Variants in MLLT10 observed in about 807,000 individuals in gnomAD.
MLLT10 encodes the protein MLLT10 histone lysine methyltransferase DOT1L cofactor.
In MLLT10, 30 loss-of-function variants were observed where a neutral mutation model predicts 129.1. The ratio of observed to expected loss-of-function variants is 0.23; its 90% CI spans 0.17 to 0.32. The LOEUF is 0.32. MLLT10 is among the 10% of genes least tolerant of loss of function. The pLI is 1.00. For missense variants in MLLT10, 1,119 were observed against 1,268.3 expected (o/e 0.88, Z 1.79); for synonymous variants, 490 against 446.4 (o/e 1.10, Z -1.23).
intron 13 of MLLT10, among the ~76,000 whole-genome samples, chr10:21,684,894 C>T (rs1217791281): frequency 2.0e-5 from 3 of 152,114 alleles, no homozygotes; most frequent in Admixed American, 1.3e-4. Context: ...ACATCTCTGA[C>T]GTAGACCTTG....
intron 8 of MLLT10, among the ~76,000 whole-genome samples, chr10:21,627,256 A>C (rs185529264): frequency 2.6e-5 from 4 of 152,266 alleles, no homozygotes; most frequent in Non-Finnish European, 5.9e-5. Context: ...TTGCAGGGTA[A>C]ATTACAAATA....
intron 13 of MLLT10, among the ~76,000 whole-genome samples, chr10:21,686,624 C>T (rs907649712): frequency 5.9e-5 from 9 of 152,208 alleles, no homozygotes; most frequent in African/African-American, 2.2e-4. Flanking sequence ...TCCTAAGATC[C>T]TCTCTGAGAA....
intron 8 of MLLT10, among the ~76,000 whole-genome samples, chr10:21,644,541 A>C (rs1477923686): frequency 6.6e-6 from 1 of 152,156 alleles, no homozygotes; most frequent in Non-Finnish European, 1.5e-5. Flanking sequence ...TTTTTAACAC[A>C]GTGCATTATT....
At chr10:21,646,096 G>C (rs768764589) in intron 8 of MLLT10, among the ~76,000 whole-genome samples, 1 of 152,112 alleles carries the variant, frequency 6.6e-6, no homozygotes, top group African/African-American at 2.4e-5. Flanking sequence ...TCCCAGCTAC[G>C]TGGATGGCTG....
intron 13 of MLLT10, among the ~76,000 whole-genome samples, chr10:21,707,189 A>ATTTTTTTT (rs1199544245): frequency 8.2e-6 from 1 of 122,502 alleles, no homozygotes; most frequent in Non-Finnish European, 1.7e-5. Flanking sequence ...AGTTTAGATG[A>ATTTTTTTT]TTTTTTTTTT....
intron 22 of MLLT10, among the ~76,000 whole-genome samples, chr10:21,740,498 A>ACAAT (rs1354892229): frequency 6.6e-6 from 1 of 152,234 alleles, no homozygotes; most frequent in African/African-American, 2.4e-5. Context: ...GTCATATGGG[A>ACAAT]CAATCAAATC....
rs574727463 is a variant in MLLT10, at chr10:21,742,881, C to T, written c.*898C>T. The T allele has an allele frequency of 4.8e-5, 11 of 228,754 alleles. No homozygotes were observed. The South Asian group carries it at 1.5e-3, about 30-fold the overall frequency. The allele number at this position is 228,754 out of a possible 1,614,324, so 14.2% of individuals were successfully genotyped here. A position where few individuals can be genotyped will look rare whatever the true frequency, so the allele number is the denominator to read the frequency against. ...GTCACCTGCAGCCTTCCCATGCTTC[C>T]GCCTTTATTCAGAACTTTCTGTGCC... On this transcript the variant is annotated 3_prime_UTR_variant, in exon 23 of 23. Coordinates refer to ENST00000307729, the MANE Select transcript of MLLT10 (RefSeq NM_001195626.3).
At chr10:21,682,745 A>G (rs1017809885) in intron 13 of MLLT10, among the ~76,000 whole-genome samples, 2 of 152,180 alleles carry the variant, frequency 1.3e-5, no homozygotes, top group African/African-American at 4.8e-5. Context: ...GGTTTTTTAC[A>G]GTGGAGTTGT....
At chr10:21,672,781 G>C (rs1401678595) in intron 10 of MLLT10, among the ~76,000 whole-genome samples, 1 of 152,190 alleles carries the variant, frequency 6.6e-6, no homozygotes, top group Non-Finnish European at 1.5e-5. Context: ...TATTATGGTA[G>C]ATTCAGCTGA....
chr10:21,681,838 ATATTGT>A (rs1210168254), intron 12 of MLLT10, among the ~76,000 whole-genome samples: 1 of 152,302 alleles, frequency 6.6e-6, no homozygotes, highest in East Asian at 1.9e-4. Flanking sequence ...TTTATAATAA[ATATTGT>A]TAAGTGTGCC....
intron 3 of MLLT10, among the ~76,000 whole-genome samples, chr10:21,583,176 A>C (rs571839343): frequency 9.2e-5 from 14 of 152,290 alleles, no homozygotes; most frequent in Non-Finnish European, 1.3e-4. Context: ...TCTCAAAATA[A>C]AATAAAATAA....
rs1201971383 is a variant in MLLT10, at chr10:21,534,430, A to AGGAGGCGGT, written c.-85_-77dup. ...GACGCTGAGGAGGAGGAGGAGGCGGAGGAGGCGGTGGAGGGGAGGTGGGGG... is the reference window on the plus strand; with the variant it reads ...GACGCTGAGGAGGAGGAGGAGGCGGAGGAGGCGGTGGAGGCGGTGGAGGGGAGGTGGGGG... On this transcript the variant is annotated 5_prime_UTR_variant, in exon 1 of 23. Coordinates refer to ENST00000307729, the MANE Select transcript of MLLT10 (RefSeq NM_001195626.3). 3.0e-6 allele frequency: 1 copy of AGGAGGCGGT among 338,812 alleles called. No homozygotes were observed. The highest frequency in any genetic ancestry group is 2.3e-5 in the African/African-American group (1 of 43,924). The allele number at this position is 338,812 out of a possible 1,614,324, so 21.0% of individuals were successfully genotyped here. A position where few individuals can be genotyped will look rare whatever the true frequency, so the allele number is the denominator to read the frequency against.
At chr10:21,557,344 G>A (rs1347827443) in intron 3 of MLLT10, among the ~76,000 whole-genome samples, 5 of 152,088 alleles carry the variant, frequency 3.3e-5, no homozygotes, top group East Asian at 1.9e-4. Context: ...AAAGATCCAC[G>A]TACAAGAAGT....
chr10:21,718,673 A>G (rs1308890518), intron 14 of MLLT10, among the ~76,000 whole-genome samples: 2 of 152,180 alleles, frequency 1.3e-5, no homozygotes, highest in Non-Finnish European at 2.9e-5. Flanking sequence ...TCCAAGGTTT[A>G]TTTATGTGAT....
chr10:21,693,496 AC>A (rs2054075576), intron 13 of MLLT10, among the ~76,000 whole-genome samples: 1 of 151,862 alleles, frequency 6.6e-6, no homozygotes, highest in Non-Finnish European at 1.5e-5. Flanking sequence ...AGAAAAAAAA[AC>A]CCCAATTTAC....
chr10:21,696,318 T>C (rs1482883529), intron 13 of MLLT10, among the ~76,000 whole-genome samples: 1 of 152,176 alleles, frequency 6.6e-6, no homozygotes, highest in Non-Finnish European at 1.5e-5. Flanking sequence ...ATATTTTTTT[T>C]CCCTATGACA....
intron 5 of MLLT10, among the ~76,000 whole-genome samples, chr10:21,600,821 C>T (rs1016504662): frequency 4.6e-5 from 7 of 152,168 alleles, no homozygotes; most frequent in African/African-American, 1.7e-4. Flanking sequence ...TGTGTTCTCT[C>T]TCTCCAGCCC....
At chr10:21,727,710 C>CA in intron 15 of MLLT10, 146 bp from the exon 16 acceptor site, 1 of 627,534 alleles carries the variant, frequency 1.6e-6, no homozygotes, top group Non-Finnish European at 2.8e-6. Flanking sequence ...TCTGAACTAG[C>CA]AACATGCTAG....
intron 11 of MLLT10, among the ~76,000 whole-genome samples, chr10:21,677,897 G>C (rs547577173): frequency 4.6e-5 from 7 of 152,264 alleles, no homozygotes; most frequent in African/African-American, 1.7e-4. Context: ...GGCTGTTTCT[G>C]ACATACACCA....
Sources: allele counts gnomAD v4.1 joint callset (sites outside exome capture counted in the v4.1 genomes callset), GRCh38; gene constraint gnomAD v4.1.1; transcripts MANE v1.5; gene names NCBI Gene and HGNC (gene_info 2026-07-23, HGNC 2026-07-21).